LCORL: variants seen among roughly 807,000 people sequenced by gnomAD.
The protein encoded by LCORL is ligand-dependent nuclear receptor corepressor-like protein.
In LCORL, 41 loss-of-function variants were observed where a neutral mutation model predicts 141.8. That is an observed-to-expected ratio of 0.29 (90% CI 0.23 to 0.38). The LOEUF is 0.38. Among genes scored for constraint, LCORL ranks in the 10% least tolerant of loss-of-function variants. The pLI, the probability that LCORL is intolerant of heterozygous loss-of-function variation, is 1.00. For synonymous variants in LCORL, 618 were observed against 694.1 expected, an observed-to-expected ratio of 0.89 and a Z score of 1.72; for missense variants, 1,759 against 2,035.0, an observed-to-expected ratio of 0.86 and a Z score of 2.61.
exon 7 of LCORL, chr4:17,874,232 T>C: frequency 8.1e-7 from 1 of 1,233,934 alleles, no homozygotes; most frequent in Middle Eastern, 2.1e-4. Flanking sequence ...CTAAATTACT[T>C]TTCACATTTA....
chr4:17,938,606 G>C (rs940842382), intron 4 of LCORL, among the ~76,000 whole-genome samples: 5 of 151,020 alleles, frequency 3.3e-5, no homozygotes, highest in South Asian at 2.1e-4. Flanking sequence ...AGTAGAGATG[G>C]GGTTTCTCCA....
intron 1 of LCORL, among the ~76,000 whole-genome samples, chr4:17,995,599 C>G (rs1720789726): frequency 6.6e-6 from 1 of 152,120 alleles, no homozygotes; most frequent in South Asian, 2.1e-4. Context: ...AGAAACCAAA[C>G]TAGTCATAAA....
rs1254583646 is a variant in LCORL at position 17,874,123 on chromosome 4, A to G, written c.4867T>C (p.Ser1623Pro). 38 of 1,233,784 alleles carry G rather than the reference A, an allele frequency of 3.1e-5. 1 individual carries two copies. Among genetic ancestry groups the G allele is most frequent in the Non-Finnish European group, 3.7e-5 (37 of 987,930 alleles). 76.4% of individuals were successfully genotyped at this position (1,233,784 alleles called of 1,614,324 possible). Residue 1623 changes from serine (S) to proline (P), a missense_variant, in exon 7 of 8, where the codon TCT becomes CCT. By Grantham distance (74) the Ser-to-Pro change is moderately conservative. This residue lies in a region of LCORL where 313 missense variants were observed against 336.1 expected (regional missense o/e 0.93). Coordinates refer to ENST00000635767, the Ensembl canonical transcript of LCORL. ...AAAAATCTTAAGTTTCTCCTTTTAG[A>G]GTTCCAGTCAACTGTTCCATGGTTG...
At chr4:17,962,119 C>A in intron 3 of LCORL, 87 bp from the exon 4 acceptor site, 2 of 810,786 alleles carry the variant, frequency 2.5e-6, no homozygotes, top group South Asian at 2.1e-5. Flanking sequence ...AATTAATGCT[C>A]TAAATGCCCA....
intron 1 of LCORL, among the ~76,000 whole-genome samples, chr4:17,994,201 A>G (rs1422833406): frequency 6.6e-6 from 1 of 152,212 alleles, no homozygotes; most frequent in South Asian, 2.1e-4. Flanking sequence ...CAGAATCAAA[A>G]TATTTTTAAA....
chr4:17,867,557 C>G (rs1725825954), intron 7 of LCORL, among the ~76,000 whole-genome samples: 1 of 152,156 alleles, frequency 6.6e-6, no homozygotes, highest in Admixed American at 6.5e-5. Context: ...TCTACAACCA[C>G]CAGTATGTGG....
At chr4:17,924,589 A>T (rs1016952334) in intron 4 of LCORL, among the ~76,000 whole-genome samples, 3 of 152,226 alleles carry the variant, frequency 2.0e-5, no homozygotes, top group African/African-American at 7.2e-5. Flanking sequence ...TACTCCAGAT[A>T]CAGGTCTGCC....
intron 4 of LCORL, among the ~76,000 whole-genome samples, chr4:17,928,235 C>T (rs1350044280): frequency 6.6e-6 from 1 of 151,924 alleles, no homozygotes; most frequent in Middle Eastern, 3.2e-3. Context: ...GGTAAAACAC[C>T]GTCTCTACAA....
At chr4:17,868,562 C>T (rs755606054) in intron 7 of LCORL, among the ~76,000 whole-genome samples, 24 of 152,048 alleles carry the variant, frequency 1.6e-4, no homozygotes, top group Non-Finnish European at 2.9e-4. Flanking sequence ...TTAAAAAGGT[C>T]TATATTATTT....
Position 17,852,415 on chromosome 4 carries a change from G to A in LCORL, c.5603-6514C>T, listed in dbSNP as rs562998685. Among the ~76,000 whole-genome samples, 85 of 151,944 alleles carry A rather than the reference G, an allele frequency of 5.6e-4. 2 individuals carry two copies. The highest frequency in any genetic ancestry group is 4.8e-3 in the Admixed American group (73 of 15,250). On this transcript the variant is annotated intron_variant, in intron 7 of 7. Transcript: ENST00000635767. ...CATAAGAAAAAAAAAAGGTACTTTC[G>A]CTGCTTATCTTACAGATTTGTTGTG...
intron 7 of LCORL, among the ~76,000 whole-genome samples, chr4:17,868,962 G>C (rs1044494038): frequency 6.6e-6 from 1 of 150,930 alleles, no homozygotes; most frequent in African/African-American, 2.4e-5. Context: ...ATTACCTCTT[G>C]ATTCACAGAA....
At chr4:17,946,542 C>T (rs1577505305) in intron 4 of LCORL, among the ~76,000 whole-genome samples, 1 of 151,848 alleles carries the variant, frequency 6.6e-6, no homozygotes, top group Non-Finnish European at 1.5e-5. Flanking sequence ...ATGTATTATA[C>T]AAGGAACTGA....
chr4:17,963,547 A>G (rs980403167), intron 2 of LCORL, among the ~76,000 whole-genome samples: 33 of 152,006 alleles, frequency 2.2e-4, no homozygotes, highest in Admixed American at 2.2e-3. Context: ...AAGTCAGAAC[A>G]GATTTTTATT....
At chr4:17,986,310 G>A (rs778925330) in intron 1 of LCORL, among the ~76,000 whole-genome samples, 1 of 152,150 alleles carries the variant, frequency 6.6e-6, no homozygotes, top group Non-Finnish European at 1.5e-5. Flanking sequence ...TCTCTAGTGA[G>A]GTTGGGGAGG....
intron 1 of LCORL, among the ~76,000 whole-genome samples, chr4:17,997,189 C>T (rs891946170): frequency 1.3e-5 from 2 of 152,138 alleles, no homozygotes; most frequent in Non-Finnish European, 2.9e-5. Flanking sequence ...TTTGTTCATA[C>T]GTAACATACG....
At chr4:17,939,403 G>T (rs150114900) in intron 4 of LCORL, among the ~76,000 whole-genome samples, 2 of 151,984 alleles carry the variant, frequency 1.3e-5, no homozygotes, top group African/African-American at 4.8e-5. Flanking sequence ...AATATAAATA[G>T]GTTTTATGTT....
At chr4:17,855,233 C>T (rs1452889067) in intron 7 of LCORL, among the ~76,000 whole-genome samples, 1 of 151,380 alleles carries the variant, frequency 6.6e-6, no homozygotes, top group Non-Finnish European at 1.5e-5. Context: ...CATGTAAGAA[C>T]AAAAAAAGAC....
chr4:17,894,271 A>C (rs1444747152), intron 5 of LCORL, among the ~76,000 whole-genome samples: 1 of 152,206 alleles, frequency 6.6e-6, no homozygotes, highest in Non-Finnish European at 1.5e-5. Context: ...GACCATCTGC[A>C]CTATTTTCCT....
At chr4:17,948,073 A>G (rs746394142) in intron 4 of LCORL, among the ~76,000 whole-genome samples, 4 of 152,050 alleles carry the variant, frequency 2.6e-5, no homozygotes, top group Non-Finnish European at 5.9e-5. Context: ...GCAGCAGCAG[A>G]TAAGGGAATA....
Sources: gnomAD v4.1 joint callset for allele counts (sites outside exome capture counted in the v4.1 genomes callset) on GRCh38, gnomAD v4.1.1 for gene constraint, gnomAD v4.1.1 regional missense constraint, MANE v1.5 for transcripts, NCBI Gene and HGNC (gene_info 2026-07-23, HGNC 2026-07-21) for gene names.